The following TASOR variants were observed in gnomAD, a reference collection of about 807,000 sequenced individuals.
The protein encoded by TASOR is transcription activation suppressor, also known as protein TASOR.
In TASOR, 53 loss-of-function variants were observed where a neutral mutation model predicts 178.6. The ratio of observed to expected loss-of-function variants is 0.30; its 90% CI spans 0.24 to 0.37. TASOR has a LOEUF of 0.37. Ranked by LOEUF, TASOR falls within the 10% of genes least tolerant of loss-of-function variation. TASOR has a pLI of 1.00. For missense variants in TASOR, 1,815 were observed against 1,971.4 expected (o/e 0.92, Z 1.50); for synonymous variants, 713 against 696.2 (o/e 1.02, Z -0.38).
At position 56,682,725 on chromosome 3, in the gene TASOR, C is replaced by G; in HGVS notation, c.282G>C (p.Arg94Ser). ...GGATCTGAAAACTCCTCCTAACAGG[C>G]CTTTCGGGCTCTTCGGGGCCTCTGG... The part of the protein sequence containing the change: ...ALPRGPEEPE[R>S]PVRRSFQIPR... The change falls in exon 1 of 24, where the codon AGG becomes AGC. Residue 94 changes from arginine to serine, a missense_variant. By Grantham distance (110) the Arg-to-Ser change is moderately radical. Transcript: ENST00000683822. 1 of 1,508,396 alleles carries G rather than the reference C, an allele frequency of 6.6e-7. No homozygotes were observed. Among genetic ancestry groups the G allele is most frequent in the Non-Finnish European group, 8.9e-7 (1 of 1,127,310 alleles). The allele number at this position is 1,508,396 out of a possible 1,614,324, so 93.4% of individuals were successfully genotyped here. A position where few individuals can be genotyped will look rare whatever the true frequency, so the allele number is the denominator to read the frequency against.
chr3:56,635,384 CTGAG>C (rs1410043377), intron 17 of TASOR, among the ~76,000 whole-genome samples: 1 of 152,084 alleles, frequency 6.6e-6, no homozygotes, highest in African/African-American at 2.4e-5. Context: ...ACTAAATATC[CTGAG>C]TATCTTAAAT....
intron 11 of TASOR, among the ~76,000 whole-genome samples, chr3:56,651,692 T>C (rs2077355487): frequency 7.2e-6 from 1 of 139,648 alleles, no homozygotes; most frequent in African/African-American, 2.8e-5. Context: ...CAACAGAGAG[T>C]CCTGTCTCAA....
chr3:56,625,032 T>C (rs2107525422), intron 21 of TASOR, 26 bp from the exon 22 acceptor site: 4 of 1,604,084 alleles, frequency 2.5e-6, no homozygotes, highest in Admixed American at 1.7e-5. Flanking sequence ...GTTCAGTTTC[T>C]GGATCTGTAC....
In TASOR at chr3:56,620,588, A is replaced by ATGTT. The variant is rs1283735567; in HGVS notation, c.*2445_*2448dup. 2.6e-5 allele frequency: 4 copies of ATGTT among 152,120 alleles called. No individual in the cohort carries two copies. The highest frequency in any genetic ancestry group is 7.3e-5 in the African/African-American group (3 of 41,372). 9.4% of individuals were successfully genotyped at this position (152,120 alleles called of 1,614,324 possible). On this transcript the variant is annotated 3_prime_UTR_variant, in exon 24 of 24. Coordinates refer to ENST00000683822, the MANE Select transcript of TASOR (RefSeq NM_001365635.2). ...TCTGCATTTCAAAATGTTGACTCAG[A>ATGTT]TGTTTTTCCCTCTACAGAACTAGAA...
chr3:56,621,337 A>T lies in TASOR; in HGVS notation c.*1700T>A. 5.1e-6 allele frequency: 2 copies of T among 396,004 alleles called. No homozygotes were observed. Among genetic ancestry groups the T allele is most frequent in the Non-Finnish European group, 9.1e-6 (2 of 220,968 alleles). 24.5% of individuals were successfully genotyped at this position (396,004 alleles called of 1,614,324 possible). On this transcript the variant is annotated 3_prime_UTR_variant, in exon 24 of 24. Coordinates refer to ENST00000683822, the MANE Select transcript of TASOR (RefSeq NM_001365635.2). ...CATCCCTATTGATTTTTATGCTAAA[A>T]ACAGAATCTTACAAATGTGATAGCT...
chr3:56,650,446 G>A (rs1274967419), intron 11 of TASOR, among the ~76,000 whole-genome samples: 1 of 152,126 alleles, frequency 6.6e-6, no homozygotes, highest in Non-Finnish European at 1.5e-5. Context: ...ACTCAAGGAG[G>A]TTATTTTAGT....
intron 1 of TASOR, among the ~76,000 whole-genome samples, chr3:56,676,047 GTACTCAAATAGAACAAGAC>G (rs2031267802): frequency 1.3e-5 from 2 of 152,144 alleles, no homozygotes; most frequent in Non-Finnish European, 2.9e-5. Context: ...GCTCAAACAA[GTACTCAAATAGAACAAGAC>G]TACTCAACAC....
In TASOR at chr3:56,669,797, A is replaced by G. The variant is rs936383747; in HGVS notation, c.644-6T>C. Reference sequence around the variant, plus strand: ...ATACCTAGAAAGATAGACACCTAGAAAAGACGGAAAAATTAAGGAAACTGA... The same window carrying G: ...ATACCTAGAAAGATAGACACCTAGAGAAGACGGAAAAATTAAGGAAACTGA... On this transcript the variant is annotated splice_polypyrimidine_tract_variant and splice_region_variant and intron_variant, in intron 4 of 23. Transcript: ENST00000683822. 3.9e-6 allele frequency: 6 copies of G among 1,519,696 alleles called. No homozygotes were observed. The highest frequency in any genetic ancestry group is 5.3e-6 in the Non-Finnish European group (6 of 1,132,446). 94.1% of individuals were successfully genotyped at this position (1,519,696 alleles called of 1,614,324 possible).
At chr3:56,646,309 T>C (rs1285418845) in intron 14 of TASOR, among the ~76,000 whole-genome samples, 5 of 152,202 alleles carry the variant, frequency 3.3e-5, no homozygotes, top group Non-Finnish European at 7.3e-5. Flanking sequence ...TTGTGGGCCA[T>C]ACAGTCTCAG....
At chr3:56,632,772 C>G (rs1362550749) in intron 18 of TASOR, among the ~76,000 whole-genome samples, 3 of 152,022 alleles carry the variant, frequency 2.0e-5, no homozygotes, top group African/African-American at 7.2e-5. Context: ...TCCCAAGCAG[C>G]TGGGACTACA....
intron 7 of TASOR, among the ~76,000 whole-genome samples, chr3:56,665,709 C>T (rs1215060318): frequency 6.6e-6 from 1 of 152,046 alleles, no homozygotes; most frequent in East Asian, 2.0e-4. Flanking sequence ...CGGTGGCTGA[C>T]GCCTGTAATC....
At chr3:56,625,949 G>A (rs886405724) in intron 21 of TASOR, among the ~76,000 whole-genome samples, 4 of 152,054 alleles carry the variant, frequency 2.6e-5, no homozygotes, top group Admixed American at 6.6e-5. Flanking sequence ...ATATTGCAAG[G>A]GACAAGGCAA....
chr3:56,621,685 C>CAACT lies in TASOR; in HGVS notation c.*1348_*1351dup, dbSNP rs2076657042. 4.5e-6 allele frequency: 5 copies of CAACT among 1,099,468 alleles called. No homozygotes were observed. The highest frequency in any genetic ancestry group is 6.7e-6 in the Non-Finnish European group (5 of 750,328). The allele number at this position is 1,099,468 out of a possible 1,614,324, so 68.1% of individuals were successfully genotyped here. Reference sequence around the variant, plus strand: ...AAATTATAAAATGTGCTCACTGGCTCAACTGTATTTTTCAAATAGCCTAGA... The same window carrying CAACT: ...AAATTATAAAATGTGCTCACTGGCTCAACTAACTGTATTTTTCAAATAGCCTAGA... On this transcript the variant is annotated 3_prime_UTR_variant, in exon 24 of 24. Coordinates refer to ENST00000683822, the MANE Select transcript of TASOR (RefSeq NM_001365635.2).
chr3:56,641,605 G>A lies in TASOR; in HGVS notation c.2363C>T (p.Ser788Phe). The change falls in exon 15 of 24, where the codon TCT becomes TTT. Residue 788 changes from serine to phenylalanine, a missense_variant. Ser to Phe is a radical substitution (Grantham distance 155, BLOSUM62 -2). Coordinates refer to ENST00000683822, the MANE Select transcript of TASOR (RefSeq NM_001365635.2). The stretch of plus-strand genomic sequence containing the variant: ...GGCTTTGTTGACTGTGTCTGTCAGA[G>A]ATGCATCAGAATGGCGCGCATTTGC... ...TLANARHSDASLTDTVNKALG... is the reference protein window; with the variant it reads ...TLANARHSDAFLTDTVNKALG... The A allele has an allele frequency of 6.2e-7, 1 of 1,614,164 alleles. No individual in the cohort carries two copies. The highest frequency in any genetic ancestry group is 1.3e-5 in the African/African-American group (1 of 75,020).
intron 13 of TASOR, 54 bp from the exon 14 acceptor site, chr3:56,647,277 T>G: frequency 7.3e-7 from 1 of 1,365,970 alleles, no homozygotes; most frequent in Non-Finnish European, 9.9e-7. Context: ...ATCAAGAAAC[T>G]AATCAAATAC....
At chr3:56,672,673 T>G (rs995243028) in intron 2 of TASOR, among the ~76,000 whole-genome samples, 2 of 152,176 alleles carry the variant, frequency 1.3e-5, no homozygotes. Flanking sequence ...AATCCTAATA[T>G]AGCCACCAGG....
chr3:56,669,561 C>G, intron 5 of TASOR, 139 bp downstream of exon 5: 1 of 566,740 alleles, frequency 1.8e-6, no homozygotes, highest in Non-Finnish European at 3.0e-6. Flanking sequence ...GCAAATAAAC[C>G]ATTTTCAAAA....
intron 7 of TASOR, among the ~76,000 whole-genome samples, chr3:56,664,731 C>G (rs999354464): frequency 5.9e-5 from 9 of 152,152 alleles, no homozygotes; most frequent in African/African-American, 2.2e-4. Flanking sequence ...CACCTACATC[C>G]CTATAAATAT....
At chr3:56,630,943 G>A (rs1247380361) in intron 18 of TASOR, among the ~76,000 whole-genome samples, 2 of 151,830 alleles carry the variant, frequency 1.3e-5, no homozygotes, top group African/African-American at 4.8e-5. Context: ...GTGCGGGGAT[G>A]GAGGAAGTTG....
Sources: gnomAD v4.1 joint callset for allele counts (sites outside exome capture counted in the v4.1 genomes callset) on GRCh38, gnomAD v4.1.1 for gene constraint, MANE v1.5 for transcripts, NCBI Gene and HGNC (gene_info 2026-07-23, HGNC 2026-07-21) for gene names.